Variants in SLCO4A1 observed in about 807,000 individuals in gnomAD.
SLCO4A1 encodes solute carrier organic anion transporter family member 4A1, also known as colon organic anion transporter.
A neutral mutation model predicts 64.6 loss-of-function variants in SLCO4A1; 51 were observed. The observed-to-expected ratio is 0.79, with a 90% confidence interval of 0.63 to 1.00. The LOEUF (loss-of-function observed/expected upper bound fraction) is 1.00. SLCO4A1 is among the 50% of genes least tolerant of loss of function. The pLI is 0.00. For synonymous variants in SLCO4A1, 471 were observed against 444.9 expected, an observed-to-expected ratio of 1.06 and a Z score of -0.74; for missense variants, 919 against 980.5, an observed-to-expected ratio of 0.94 and a Z score of 0.84.
At chr20:62,683,382 ATCACTC>A (rs1438755607) in intron 2 of SLCO4A1, among the ~76,000 whole-genome samples, 2 of 151,040 alleles carry the variant, frequency 1.3e-5, no homozygotes, top group East Asian at 3.9e-4. Context: ...GGGCTTTTCC[ATCACTC>A]TCGGTGGGGG....
intron 2 of SLCO4A1, among the ~76,000 whole-genome samples, chr20:62,677,382 G>A (rs1241241599): frequency 6.6e-6 from 1 of 152,112 alleles, no homozygotes; most frequent in African/African-American, 2.4e-5. Flanking sequence ...GTAGACCATG[G>A]AGATCTGTTG....
chr20:62,688,929 A>G (rs1035972584), downstream of SLCO4A1, among the ~76,000 whole-genome samples: 8 of 152,250 alleles, frequency 5.3e-5, no homozygotes, highest in Non-Finnish European at 1.0e-4. Flanking sequence ...TACAAGCCTC[A>G]GCATGGAAGC....
chr20:62,664,804 T>C, intron 5 of SLCO4A1, 130 bp from the exon 6 acceptor site: 1 of 1,042,924 alleles, frequency 9.6e-7, no homozygotes, highest in Non-Finnish European at 1.4e-6. Flanking sequence ...TGGCCCACTC[T>C]GACCCTCAGT....
chr20:62,682,611 C>T (rs1286913256), intron 2 of SLCO4A1, among the ~76,000 whole-genome samples: 1 of 151,794 alleles, frequency 6.6e-6, no homozygotes, highest in Non-Finnish European at 1.5e-5. Context: ...GGCATCATCC[C>T]ATCAGATAGC....
chr20:62,669,705 C>G (rs1365110496), intron 11 of SLCO4A1, among the ~76,000 whole-genome samples: 1 of 152,030 alleles, frequency 6.6e-6, no homozygotes, highest in Non-Finnish European at 1.5e-5. Flanking sequence ...GCCAGCTGTT[C>G]AGAGGATCTT....
At chr20:62,675,648 G>T (rs929857307), downstream of SLCO4A1, among the ~76,000 whole-genome samples, 6 of 152,232 alleles carry the variant, frequency 3.9e-5, no homozygotes, top group Non-Finnish European at 8.8e-5. Context: ...CAGGGAGCGT[G>T]TGGCTCCTGG....
At chr20:62,643,104 C>G in intron 1 of SLCO4A1, 1 of 450,378 alleles carries the variant, frequency 2.2e-6, no homozygotes, top group Non-Finnish European at 4.6e-6. Flanking sequence ...GCCAGAGGCG[C>G]TCGAGACATC....
chr20:62,683,966 C>T (rs1319148770), intron 2 of SLCO4A1, among the ~76,000 whole-genome samples: 1 of 39,710 alleles, frequency 2.5e-5, no homozygotes, highest in Non-Finnish European at 4.9e-5. Flanking sequence ...AACGATCTCA[C>T]GTGACCACGC....
chr20:62,675,474 A>G (rs1258470330), downstream of SLCO4A1, among the ~76,000 whole-genome samples: 3 of 151,952 alleles, frequency 2.0e-5, no homozygotes, highest in Non-Finnish European at 4.4e-5. Flanking sequence ...TGCCTTCCCC[A>G]TTGACAATCC....
chr20:62,648,250 T>C (rs532520095), intron 1 of SLCO4A1, among the ~76,000 whole-genome samples: 13 of 152,312 alleles, frequency 8.5e-5, no homozygotes, highest in Middle Eastern at 3.4e-3. Context: ...GCTGGCTCTC[T>C]AGATGCACCG....
chr20:62,660,345 AGT>A (rs762135537), intron 3 of SLCO4A1, 65 bp from the exon 4 acceptor site: 9 of 1,562,042 alleles, frequency 5.8e-6, no homozygotes, highest in Non-Finnish European at 7.8e-6. Flanking sequence ...AGCAGCCCCC[AGT>A]GTGTGTGCCA....
At chr20:62,654,217 T>C (rs1040970185) in intron 1 of SLCO4A1, among the ~76,000 whole-genome samples, 5 of 152,174 alleles carry the variant, frequency 3.3e-5, no homozygotes, top group African/African-American at 4.8e-5. Flanking sequence ...GGTGGCCTTC[T>C]CTGTGTCATC....
In SLCO4A1 at chr20:62,658,691, G is replaced by T. The variant is rs753929202; in HGVS notation, c.811G>T (p.Ala271Ser). 3 of 1,611,466 alleles carry T rather than the reference G, an allele frequency of 1.9e-6. No individual in the cohort carries two copies. Among genetic ancestry groups the T allele is most frequent in the Non-Finnish European group, 2.5e-6 (3 of 1,179,252 alleles). ...SPVYIAIFYTAAILGPAAGYL... is the reference protein window; with the variant it reads ...SPVYIAIFYTSAILGPAAGYL... The stretch of plus-strand genomic sequence containing the variant: ...CTCTCTCGCAGCCATCTTCTACACA[G>T]CGGCCATCCTGGGCCCAGCTGCCGG... Residue 271 changes from alanine (A) to serine (S), a missense_variant, in exon 3 of 12, where the codon GCG becomes TCG. Coordinates refer to ENST00000217159, the MANE Select transcript of SLCO4A1 (RefSeq NM_016354.4).
At chr20:62,675,773 T>G (rs1189136791), downstream of SLCO4A1, among the ~76,000 whole-genome samples, 1 of 152,192 alleles carries the variant, frequency 6.6e-6, no homozygotes, top group Admixed American at 6.5e-5. Context: ...CGCCCTCGGC[T>G]GCATGCTGGC....
intron 11 of SLCO4A1, among the ~76,000 whole-genome samples, chr20:62,669,653 A>T (rs1986961997): frequency 6.6e-6 from 1 of 152,172 alleles, no homozygotes; most frequent in South Asian, 2.1e-4. Flanking sequence ...CCCCCATTAG[A>T]CGATAAAGCA....
downstream of SLCO4A1, among the ~76,000 whole-genome samples, chr20:62,676,766 A>G (rs1987614823): frequency 6.6e-6 from 1 of 152,260 alleles, no homozygotes; most frequent in South Asian, 2.1e-4. Context: ...GAATTAGCAG[A>G]TGACCCAGCA....
At chr20:62,689,006 C>T (rs968368149), downstream of SLCO4A1, among the ~76,000 whole-genome samples, 2 of 152,238 alleles carry the variant, frequency 1.3e-5, no homozygotes, top group African/African-American at 4.8e-5. Flanking sequence ...TTTCCTCTGA[C>T]ATTTCCTCCT....
chr20:62,648,384 G>T (rs1311121017), intron 1 of SLCO4A1, among the ~76,000 whole-genome samples: 3 of 152,246 alleles, frequency 2.0e-5, no homozygotes, highest in Non-Finnish European at 2.9e-5. Context: ...GTGAGTGGGT[G>T]CCCTGGGGCG....
Position 62,666,486 on chromosome 20 carries a change from C to G in SLCO4A1, c.1383C>G (p.Cys461Trp). 1 of 1,613,566 alleles carries G rather than the reference C, an allele frequency of 6.2e-7. No individual in the cohort carries two copies. The highest frequency in any genetic ancestry group is 8.5e-7 in the Non-Finnish European group (1 of 1,179,996). Reference protein sequence around the residue: ...GSAVIKFCLFCTVVSLLGILV... With the variant: ...GSAVIKFCLFWTVVSLLGILV... ...CGGTCATCAAGTTCTGCCTGTTCTG[C>G]ACCGTTGTCAGCCTGCTGGGCATCC... The change falls in exon 7 of 12, where the codon TGC (cysteine) becomes TGG (tryptophan). Residue 461 changes from cysteine to tryptophan, a missense_variant. By Grantham distance (215) the Cys-to-Trp change is radical (BLOSUM62 -2). Transcript: ENST00000217159.
Sources: gnomAD v4.1 joint callset for allele counts (sites outside exome capture counted in the v4.1 genomes callset) on GRCh38, gnomAD v4.1.1 for gene constraint, MANE v1.5 for transcripts, NCBI Gene and HGNC (gene_info 2026-07-23, HGNC 2026-07-21) for gene names.